KLHL1: variants seen among roughly 807,000 people sequenced by gnomAD.
The protein encoded by KLHL1 is kelch-like protein 1.
In KLHL1, 47 loss-of-function variants were observed where a neutral mutation model predicts 77.7. The observed-to-expected ratio is 0.60, with a 90% CI of 0.48 to 0.77. The LOEUF is 0.77. Ranked by LOEUF, KLHL1 falls within the 30% of genes least tolerant of loss-of-function variation. The probability of loss-of-function intolerance (pLI) is 0.00; values close to 1 mark genes in which losing one functional copy is unlikely to be tolerated. For synonymous variants in KLHL1, 360 were observed against 325.2 expected (o/e 1.11, Z -1.15); for missense variants, 925 against 910.8 (o/e 1.02, Z -0.20).
At chr13:70,084,622 C>CGTTTTTTTTTT (rs1555296089) in intron 1 of KLHL1, among the ~76,000 whole-genome samples, 3 of 14,954 alleles carry the variant, frequency 2.0e-4, no homozygotes, top group Non-Finnish European at 3.0e-4. Context: ...CCACGCCAGG[C>CGTTTTTTTTTT]TTTTTTTTTT....
At chr13:69,833,824 C>CAT (rs1254700896) in intron 6 of KLHL1, among the ~76,000 whole-genome samples, 9 of 149,622 alleles carry the variant, frequency 6.0e-5, no homozygotes, top group African/African-American at 1.5e-4. Context: ...CACACACACA[C>CAT]ATGTATACAT....
intron 4 of KLHL1, among the ~76,000 whole-genome samples, chr13:69,917,957 C>T (rs894220463): frequency 2.6e-5 from 4 of 152,054 alleles, no homozygotes; most frequent in Admixed American, 2.6e-4. Context: ...TATCTGTATT[C>T]ATACATGTAC....
intron 1 of KLHL1, among the ~76,000 whole-genome samples, chr13:69,996,909 AATTTT>A (rs1282485046): frequency 5.6e-5 from 6 of 106,622 alleles, no homozygotes; most frequent in African/African-American, 1.5e-4. Flanking sequence ...TTATTCATTA[AATTTT>A]TTTTTTTTTT....
Position 69,723,376 on chromosome 13 carries a change from A to T in KLHL1, c.1803-3795T>A, listed in dbSNP as rs541590687. On this transcript the variant is annotated intron_variant, in intron 8 of 10. Transcript: ENST00000377844. The stretch of plus-strand genomic sequence containing the variant: ...CATGTTTAAGGTGATTAATATACTA[A>T]TTACCTAATTTGTTCATTAGACAAT... Among the ~76,000 whole-genome samples, 49 of 152,340 alleles carry T rather than the reference A, an allele frequency of 3.2e-4. No homozygotes were observed. The South Asian group carries it at 0.01, about 32-fold the overall frequency.
At chr13:69,834,316 A>G (rs922768926) in intron 6 of KLHL1, among the ~76,000 whole-genome samples, 1 of 151,990 alleles carries the variant, frequency 6.6e-6, no homozygotes, top group Non-Finnish European at 1.5e-5. Context: ...ATATGTATGT[A>G]TTTATGTCAT....
At chr13:69,851,803 C>A (rs958408412) in intron 5 of KLHL1, among the ~76,000 whole-genome samples, 2 of 151,758 alleles carry the variant, frequency 1.3e-5, no homozygotes, top group Non-Finnish European at 2.9e-5. Flanking sequence ...CAGAACTCAT[C>A]TATCTGCAAC....
intron 3 of KLHL1, among the ~76,000 whole-genome samples, chr13:69,946,713 A>G (rs553510840): frequency 6.6e-6 from 1 of 152,142 alleles, no homozygotes; most frequent in South Asian, 2.1e-4. Context: ...AGGTGTTGCT[A>G]TGTTGCCCAG....
intron 1 of KLHL1, among the ~76,000 whole-genome samples, chr13:70,061,051 A>T (rs1273486688): frequency 6.6e-6 from 1 of 152,086 alleles, no homozygotes; most frequent in Admixed American, 6.6e-5. Flanking sequence ...GGAGATAGAG[A>T]ATAGAATGCC....
intron 4 of KLHL1, among the ~76,000 whole-genome samples, chr13:69,889,573 C>A (rs1461156999): frequency 1.3e-5 from 2 of 152,058 alleles, no homozygotes; most frequent in Admixed American, 1.3e-4. Flanking sequence ...AACATATATG[C>A]ACCCTTACTC....
chr13:69,827,270 A>C lies in KLHL1; in HGVS notation c.1414+11706T>G, dbSNP rs181030510. 4.3e-4 allele frequency among the ~76,000 whole-genome samples: 64 copies of C among 150,114 alleles called. 1 individual carries two copies. In the East Asian group the frequency reaches 0.01, roughly 24 times the overall value. On this transcript the variant is annotated intron_variant, in intron 6 of 10. Transcript: ENST00000377844. ...AATTATATAATTTCTTATATTTCAA[A>C]TATGTTTTCTAAAATCATAAGATAA...
chr13:70,035,091 C>A (rs537272151), intron 1 of KLHL1, among the ~76,000 whole-genome samples: 2 of 151,972 alleles, frequency 1.3e-5, no homozygotes, highest in Non-Finnish European at 2.9e-5. Context: ...ATATTAATAA[C>A]CCTTGAAGGA....
chr13:69,915,572 C>T (rs567182177), intron 4 of KLHL1, among the ~76,000 whole-genome samples: 154 of 152,276 alleles, frequency 1.0e-3, no homozygotes, highest in African/African-American at 3.4e-3. Context: ...CCCTTCCTTA[C>T]ACCTTATACA....
intron 10 of KLHL1, among the ~76,000 whole-genome samples, chr13:69,707,069 G>A (rs1875660421): frequency 6.6e-6 from 1 of 152,002 alleles, no homozygotes; most frequent in Admixed American, 6.6e-5. Context: ...TACATGACAG[G>A]CTATGCAAAG....
intron 4 of KLHL1, among the ~76,000 whole-genome samples, chr13:69,885,220 G>A (rs1236507639): frequency 7.3e-6 from 1 of 136,764 alleles, no homozygotes; most frequent in Non-Finnish European, 1.5e-5. Context: ...GATTACAGGC[G>A]TGAGCCACCG....
At position 69,804,077 on chromosome 13, in the gene KLHL1, C is replaced by A. The variant is rs370582482; in HGVS notation, c.1415-7115G>T. ...CAGCAGCAGTACAGTATAGTTCTTT[C>A]AAATGTGCATTTTTACAATTTATAA... On this transcript the variant is annotated intron_variant, in intron 6 of 10. Coordinates refer to ENST00000377844, the MANE Select transcript of KLHL1 (RefSeq NM_020866.3). Among the ~76,000 whole-genome samples the A allele has an allele frequency of 2.0e-5, 3 of 152,174 alleles. No homozygotes were observed. The East Asian group carries it at 5.8e-4, about 29-fold the overall frequency.
At chr13:70,061,113 A>G (rs1294989252) in intron 1 of KLHL1, among the ~76,000 whole-genome samples, 6 of 152,010 alleles carry the variant, frequency 3.9e-5, no homozygotes, top group African/African-American at 1.4e-4. Context: ...GAGGATGGTT[A>G]TCTCCATCCC....
chr13:70,063,043 C>T (rs765334874), intron 1 of KLHL1, among the ~76,000 whole-genome samples: 35 of 152,130 alleles, frequency 2.3e-4, no homozygotes, highest in Admixed American at 1.3e-3. Context: ...ATACCTAGGA[C>T]GGTTAAATTT....
intron 5 of KLHL1, among the ~76,000 whole-genome samples, chr13:69,863,260 T>G (rs1213917888): frequency 6.6e-6 from 1 of 152,096 alleles, no homozygotes; most frequent in Non-Finnish European, 1.5e-5. Context: ...GATAAGATAT[T>G]TAGTAGTTAT....
chr13:69,830,951 A>G (rs1878736415), intron 6 of KLHL1, among the ~76,000 whole-genome samples: 2 of 149,778 alleles, frequency 1.3e-5, no homozygotes, highest in Admixed American at 6.7e-5. Flanking sequence ...AGCAAAATCA[A>G]TGATAAAAGG....
Sources: allele counts gnomAD v4.1 joint callset (sites outside exome capture counted in the v4.1 genomes callset), GRCh38; gene constraint gnomAD v4.1.1; transcripts MANE v1.5; gene names NCBI Gene and HGNC (gene_info 2026-07-23, HGNC 2026-07-21).